Variants in SAMD5 observed in about 807,000 individuals in gnomAD.
SAMD5 encodes the protein sterile alpha motif domain containing 5.
A neutral mutation model predicts 11.3 loss-of-function variants in SAMD5; 13 were observed. That is an observed-to-expected ratio of 1.15 (90% CI 0.75 to 1.83). The LOEUF (loss-of-function observed/expected upper bound fraction) is 1.83, where lower values mean the gene tolerates loss of function less well. SAMD5 is among the 40% of genes most tolerant of loss of function. SAMD5 has a pLI of 0.00. For missense variants in SAMD5, 255 were observed against 239.1 expected (o/e 1.07, Z -0.44); for synonymous variants, 129 against 111.3 (o/e 1.16, Z -1.00).
At chr6:147,944,856 T>C in the SAMD5 span, among the ~76,000 whole-genome samples, 118,125 of 152,138 alleles carry the variant, frequency 0.78, 46,348 homozygotes, top group Non-Finnish European at 0.84. Flanking sequence ...GCCTCTTCCT[T>C]GCTTCTGGTG....
At chr6:147,621,001 C>T (rs540388613) in intron 1 of SAMD5, among the ~76,000 whole-genome samples, 68 of 149,732 alleles carry the variant, frequency 4.5e-4, no homozygotes, top group African/African-American at 1.6e-3. Flanking sequence ...CGCGCGCGCA[C>T]ATGCGCGCGC....
At chr6:147,640,142 A>C (rs1790288377) in intron 1 of SAMD5, among the ~76,000 whole-genome samples, 1 of 152,036 alleles carries the variant, frequency 6.6e-6, no homozygotes, top group South Asian at 2.1e-4. Flanking sequence ...CCTGGCCAAC[A>C]TGGTGAAACC....
the SAMD5 span, among the ~76,000 whole-genome samples, chr6:147,950,104 C>T: frequency 6.6e-6 from 1 of 152,110 alleles, no homozygotes; most frequent in African/African-American, 2.4e-5. Flanking sequence ...AAACAAGCAT[C>T]TTAGGAGAAG....
chr6:147,870,458 G>GTT, the SAMD5 span, among the ~76,000 whole-genome samples: 2 of 119,418 alleles, frequency 1.7e-5, no homozygotes, highest in Non-Finnish European at 3.6e-5. Flanking sequence ...GAGTGTGTGT[G>GTT]TGTGTGTGTG....
chr6:147,617,450 C>T (rs149611785), intron 1 of SAMD5, among the ~76,000 whole-genome samples: 1 of 152,300 alleles, frequency 6.6e-6, no homozygotes, highest in African/African-American at 2.4e-5. Flanking sequence ...CTACTTAGAA[C>T]ATAATTATGC....
chr6:147,580,667 C>T (rs1451900719), intron 1 of SAMD5, among the ~76,000 whole-genome samples: 2 of 152,096 alleles, frequency 1.3e-5, no homozygotes, highest in African/African-American at 4.8e-5. Flanking sequence ...CATGTATGGC[C>T]AGTGGTAGCA....
At chr6:147,717,716 C>T (rs971642001) in intron 1 of SAMD5, among the ~76,000 whole-genome samples, 2 of 152,148 alleles carry the variant, frequency 1.3e-5, no homozygotes, top group Non-Finnish European at 2.9e-5. Context: ...GTGGTGGGCA[C>T]CTGTAGTCCC....
intron 1 of SAMD5, among the ~76,000 whole-genome samples, chr6:147,644,114 T>C (rs1257466825): frequency 6.6e-6 from 1 of 152,172 alleles, no homozygotes; most frequent in Non-Finnish European, 1.5e-5. Flanking sequence ...TCCATGAAAT[T>C]ATAAACAATA....
intron 1 of SAMD5, among the ~76,000 whole-genome samples, chr6:147,680,795 A>G (rs145331903): frequency 2.0e-3 from 298 of 152,248 alleles, no homozygotes; most frequent in Non-Finnish European, 3.7e-3. Flanking sequence ...TGGTCCTTTA[A>G]CATGATTAAA....
At chr6:147,761,549 T>C in the SAMD5 span, among the ~76,000 whole-genome samples, 1 of 152,146 alleles carries the variant, frequency 6.6e-6, no homozygotes, top group Admixed American at 6.5e-5. Flanking sequence ...AATTATTATA[T>C]AATAAAGGTT....
chr6:147,841,909 G>A, the SAMD5 span, among the ~76,000 whole-genome samples: 7 of 152,126 alleles, frequency 4.6e-5, no homozygotes, highest in Non-Finnish European at 8.8e-5. Flanking sequence ...GGCTCCAGAT[G>A]GAGGCTGGGT....
intron 1 of SAMD5, among the ~76,000 whole-genome samples, chr6:147,734,574 G>A (rs1791763904): frequency 6.6e-6 from 1 of 151,538 alleles, no homozygotes; most frequent in African/African-American, 2.4e-5. Context: ...AAATAATCCG[G>A]GCGTGTTGGG....
intron 1 of SAMD5, among the ~76,000 whole-genome samples, chr6:147,701,281 TTATA>T (rs989924260): frequency 6.6e-6 from 1 of 152,070 alleles, no homozygotes; most frequent in African/African-American, 2.4e-5. Context: ...ATATAAAAAA[TTATA>T]TATAAGCATG....
the SAMD5 span, among the ~76,000 whole-genome samples, chr6:147,935,272 G>A: frequency 7.2e-5 from 11 of 152,148 alleles, no homozygotes; most frequent in African/African-American, 2.7e-4. Flanking sequence ...TGCAGGACTA[G>A]TGGGCACATC....
At chr6:147,702,573 A>G (rs2128457908) in intron 1 of SAMD5, among the ~76,000 whole-genome samples, 1 of 152,366 alleles carries the variant, frequency 6.6e-6, no homozygotes, top group African/African-American at 2.4e-5. Flanking sequence ...GCTTAATACA[A>G]ATAATTTGGG....
chr6:147,609,198 A>G (rs968647351), intron 1 of SAMD5, among the ~76,000 whole-genome samples: 1 of 152,202 alleles, frequency 6.6e-6, no homozygotes, highest in African/African-American at 2.4e-5. Flanking sequence ...AGTTAAAACA[A>G]GGCCATTAGA....
At chr6:147,729,679 G>A (rs1791680733) in intron 1 of SAMD5, 6 of 425,484 alleles carry the variant, frequency 1.4e-5, no homozygotes, top group East Asian at 7.2e-5. Context: ...AAGAGAAGGC[G>A]AATGTGAGTA....
chr6:147,874,926 C>G, the SAMD5 span, among the ~76,000 whole-genome samples: 1 of 152,142 alleles, frequency 6.6e-6, no homozygotes, highest in African/African-American at 2.4e-5. Flanking sequence ...TAAGAGTTTT[C>G]TGGGAGGCTC....
At chr6:147,835,676 G>A in the SAMD5 span, among the ~76,000 whole-genome samples, 32 of 152,146 alleles carry the variant, frequency 2.1e-4, no homozygotes, top group African/African-American at 2.7e-4. Context: ...CAGCTGAGCC[G>A]ACAGCCCCCA....
Sources: gnomAD v4.1 joint callset for allele counts (sites outside exome capture counted in the v4.1 genomes callset) on GRCh38, gnomAD v4.1.1 for gene constraint, MANE v1.5 for transcripts, NCBI Gene and HGNC (gene_info 2026-07-23, HGNC 2026-07-21) for gene names.